The following PCDH9 variants were observed in gnomAD, a reference collection of about 807,000 sequenced individuals.
PCDH9 encodes protocadherin-9.
PCDH9 carries 24 observed loss-of-function variants against 70.6 expected under a neutral mutation model. That is an observed-to-expected ratio of 0.34 (90% CI 0.25 to 0.48). PCDH9 has a LOEUF of 0.48. Among genes scored for constraint, PCDH9 ranks in the 20% least tolerant of loss-of-function variants. PCDH9 has a pLI of 0.99. For missense variants in PCDH9, 1,281 were observed against 1,503.6 expected (o/e 0.85, Z 2.45); for synonymous variants, 562 against 558.5 (o/e 1.01, Z -0.09).
chr13:66,956,127 T>C (rs1383741540), intron 2 of PCDH9, among the ~76,000 whole-genome samples: 1 of 151,960 alleles, frequency 6.6e-6, no homozygotes, highest in African/African-American at 2.4e-5. Context: ...TGAGCTTTGT[T>C]ACTCTTCTCA....
intron 4 of PCDH9, among the ~76,000 whole-genome samples, chr13:66,495,339 A>G (rs189065453): frequency 9.8e-5 from 15 of 152,338 alleles, no homozygotes; most frequent in African/African-American, 3.6e-4. Context: ...GCAATGACAC[A>G]TTGAAAAACA....
At chr13:66,669,492 ATGAAGTAAAT>A (rs879420306) in intron 3 of PCDH9, among the ~76,000 whole-genome samples, 21 of 152,218 alleles carry the variant, frequency 1.4e-4, no homozygotes, top group Admixed American at 1.4e-3. Flanking sequence ...ACAATAAATA[ATGAAGTAAAT>A]TGAAGATGTG....
intron 2 of PCDH9, among the ~76,000 whole-genome samples, chr13:67,139,362 G>A (rs1006703702): frequency 6.6e-6 from 1 of 152,184 alleles, no homozygotes; most frequent in South Asian, 2.1e-4. Flanking sequence ...CAGAGATTCA[G>A]CACAGTTGGA....
chr13:66,894,117 A>G (rs966279343), intron 3 of PCDH9, among the ~76,000 whole-genome samples: 6 of 152,168 alleles, frequency 3.9e-5, no homozygotes, highest in Admixed American at 2.0e-4. Context: ...CTCATGCATA[A>G]GATTCTGTAG....
At chr13:66,762,014 G>C (rs1159637233) in intron 3 of PCDH9, among the ~76,000 whole-genome samples, 1 of 151,972 alleles carries the variant, frequency 6.6e-6, no homozygotes, top group Non-Finnish European at 1.5e-5. Context: ...GTATGGATTT[G>C]TCTGAAAATG....
chr13:66,526,794 T>C (rs897702810), intron 4 of PCDH9, among the ~76,000 whole-genome samples: 3 of 152,186 alleles, frequency 2.0e-5, no homozygotes, highest in African/African-American at 7.2e-5. Context: ...TTAACTATTT[T>C]TTAAGAAAAT....
intron 2 of PCDH9, chr13:67,208,701 G>C (rs928144792): frequency 6.6e-6 from 1 of 152,122 alleles, no homozygotes; most frequent in South Asian, 2.1e-4. Flanking sequence ...TTTGCTGTTG[G>C]TCATGTTTGA....
chr13:66,980,078 C>CTCTA (rs34374674), intron 2 of PCDH9, among the ~76,000 whole-genome samples: 22,292 of 147,028 alleles, frequency 0.15, 1,748 homozygotes, highest in East Asian at 0.23. Flanking sequence ...AATTATCCAT[C>CTCTA]TCTATCTATC....
At chr13:67,016,385 G>A (rs2084561430) in intron 2 of PCDH9, among the ~76,000 whole-genome samples, 1 of 152,032 alleles carries the variant, frequency 6.6e-6, no homozygotes, top group South Asian at 2.1e-4. Flanking sequence ...TTTTTATGAG[G>A]ACAAATGAGA....
Position 66,842,460 on chromosome 13 carries a change from CT to C in PCDH9, c.3138+61043del, listed in dbSNP as rs376074939. ...CCTCTCTCGCCCTTTTCCTTTGAAA[CT>C]TTTTTTAGGCTTTGTATGAGACTTC... On this transcript the variant is annotated intron_variant, in intron 3 of 4. Coordinates refer to ENST00000377865, the MANE Select transcript of PCDH9 (RefSeq NM_203487.3). Among the ~76,000 whole-genome samples, 7 of 152,164 alleles carry C rather than the reference CT, an allele frequency of 4.6e-5. No homozygotes were observed. The East Asian group carries it at 1.4e-3, about 30-fold the overall frequency.
At chr13:66,553,071 C>G (rs1225276218) in intron 4 of PCDH9, among the ~76,000 whole-genome samples, 1 of 152,112 alleles carries the variant, frequency 6.6e-6, no homozygotes, top group African/African-American at 2.4e-5. Context: ...TCACCTGGCC[C>G]CTCCTACAAC....
intron 4 of PCDH9, among the ~76,000 whole-genome samples, chr13:66,608,002 C>A (rs73196694): frequency 0.16 from 24,634 of 151,796 alleles, 2,183 homozygotes; most frequent in Middle Eastern, 0.22. Flanking sequence ...AAATTTTCCA[C>A]ATGTATTTAG....
chr13:66,602,378 C>T (rs1330564267), intron 4 of PCDH9, among the ~76,000 whole-genome samples: 1 of 145,648 alleles, frequency 6.9e-6, no homozygotes, highest in Non-Finnish European at 1.5e-5. Context: ...ATGTTATTGC[C>T]TCTGAAGACC....
chr13:66,491,964 C>T (rs747357117), intron 4 of PCDH9, among the ~76,000 whole-genome samples: 1 of 152,054 alleles, frequency 6.6e-6, no homozygotes, highest in Non-Finnish European at 1.5e-5. Flanking sequence ...TCACCTAGAC[C>T]TAAGCCATAT....
chr13:66,813,189 C>T (rs866256817), intron 3 of PCDH9, among the ~76,000 whole-genome samples: 2 of 152,164 alleles, frequency 1.3e-5, no homozygotes, highest in Non-Finnish European at 2.9e-5. Context: ...CATTGGCCAA[C>T]TCATATGATG....
chr13:67,088,858 C>A (rs1159028544), intron 2 of PCDH9, among the ~76,000 whole-genome samples: 1 of 151,986 alleles, frequency 6.6e-6, no homozygotes, highest in East Asian at 1.9e-4. Flanking sequence ...ACAATGATTG[C>A]AGTTCAAGTC....
intron 2 of PCDH9, among the ~76,000 whole-genome samples, chr13:66,942,095 A>C (rs2083015242): frequency 6.6e-6 from 1 of 151,944 alleles, no homozygotes; most frequent in Non-Finnish European, 1.5e-5. Flanking sequence ...CAAAATAGAT[A>C]ATTAGAAGTT....
At chr13:66,815,163 G>GA (rs1310693933) in intron 3 of PCDH9, among the ~76,000 whole-genome samples, 2 of 152,034 alleles carry the variant, frequency 1.3e-5, no homozygotes, top group Non-Finnish European at 2.9e-5. Flanking sequence ...ACAAGCATAT[G>GA]AAAAAACATG....
At chr13:66,844,746 T>C (rs549446730) in intron 3 of PCDH9, among the ~76,000 whole-genome samples, 1 of 152,196 alleles carries the variant, frequency 6.6e-6, no homozygotes, top group Non-Finnish European at 1.5e-5. Flanking sequence ...TCCTGCCACA[T>C]GTCCATGTTT....
Sources: allele counts gnomAD v4.1 joint callset (sites outside exome capture counted in the v4.1 genomes callset), GRCh38; gene constraint gnomAD v4.1.1; transcripts MANE v1.5; gene names NCBI Gene and HGNC (gene_info 2026-07-23, HGNC 2026-07-21).